Variants in CAMTA1 observed in about 807,000 individuals in gnomAD.
The protein encoded by CAMTA1 is calmodulin binding transcription activator 1.
Under a neutral mutation model 170.9 loss-of-function variants are expected in CAMTA1, and 27 were observed. The ratio of observed to expected loss-of-function variants is 0.16; its 90% CI spans 0.12 to 0.22. The LOEUF is 0.22. CAMTA1 is among the 10% of genes least tolerant of loss of function. The pLI is 1.00. For missense variants in CAMTA1, 1,619 were observed against 2,217.2 expected (o/e 0.73, Z 5.42); for synonymous variants, 833 against 891.5 (o/e 0.93, Z 1.17).
chr1:7,033,244 T>C (rs1275093714), intron 3 of CAMTA1, among the ~76,000 whole-genome samples: 2 of 152,200 alleles, frequency 1.3e-5, no homozygotes, highest in Non-Finnish European at 2.9e-5. Context: ...TCATTTCCTG[T>C]CTTTCAGTTC....
chr1:7,566,677 G>T (rs1263207706), intron 6 of CAMTA1, among the ~76,000 whole-genome samples: 1 of 152,136 alleles, frequency 6.6e-6, no homozygotes, highest in Non-Finnish European at 1.5e-5. Flanking sequence ...GGCACCCAGA[G>T]GCCTGAGTCC....
At position 7,143,945 on chromosome 1, in the gene CAMTA1, C is replaced by G. The variant is rs1646032742; in HGVS notation, c.302+52574C>G. ...TTCTTCCTGTGCGTGTTGTCATCCACAAAGCCACTCTGTGTGTCATCAAAC... is the reference window on the plus strand; with the variant it reads ...TTCTTCCTGTGCGTGTTGTCATCCAGAAAGCCACTCTGTGTGTCATCAAAC... On this transcript the variant is annotated intron_variant, in intron 4 of 22. Transcript: ENST00000303635. Among the ~76,000 whole-genome samples the G allele has an allele frequency of 2.6e-5, 4 of 152,304 alleles. No homozygotes were observed. In the South Asian group the frequency reaches 8.3e-4, roughly 32 times the overall value.
intron 5 of CAMTA1, among the ~76,000 whole-genome samples, chr1:7,359,011 G>C (rs1304940410): frequency 1.3e-5 from 2 of 152,104 alleles, no homozygotes; most frequent in Non-Finnish European, 2.9e-5. Flanking sequence ...GGCACACTGG[G>C]AGGTAGGAGC....
At chr1:7,541,850 C>T (rs1197345725) in intron 6 of CAMTA1, among the ~76,000 whole-genome samples, 3 of 149,268 alleles carry the variant, frequency 2.0e-5, no homozygotes, top group Admixed American at 6.7e-5. Context: ...GCTCAGAATG[C>T]GCTGACCACA....
chr1:7,686,095 G>T (rs2096255358), intron 11 of CAMTA1, among the ~76,000 whole-genome samples: 1 of 152,214 alleles, frequency 6.6e-6, no homozygotes, highest in Non-Finnish European at 1.5e-5. Flanking sequence ...CACCTGGGCT[G>T]CCTGGTCTTC....
intron 3 of CAMTA1, among the ~76,000 whole-genome samples, chr1:6,943,482 C>G (rs920711802): frequency 1.7e-4 from 26 of 152,182 alleles, no homozygotes; most frequent in African/African-American, 5.8e-4. Context: ...GCCCTTTCCT[C>G]CCTCAGCGTC....
At chr1:7,346,233 A>G (rs947925769) in intron 5 of CAMTA1, among the ~76,000 whole-genome samples, 1 of 152,200 alleles carries the variant, frequency 6.6e-6, no homozygotes, top group Admixed American at 6.5e-5. Context: ...ATTCTGGTCC[A>G]GAATCCATGC....
intron 5 of CAMTA1, among the ~76,000 whole-genome samples, chr1:7,378,937 C>T (rs552677923): frequency 1.3e-4 from 20 of 152,170 alleles, no homozygotes; most frequent in African/African-American, 3.9e-4. Context: ...ACCGGCTCCT[C>T]GAGGCACCCC....
intron 3 of CAMTA1, among the ~76,000 whole-genome samples, chr1:7,012,844 G>A (rs900879855): frequency 1.3e-5 from 2 of 152,106 alleles, no homozygotes; most frequent in Non-Finnish European, 2.9e-5. Flanking sequence ...TTCCCGCCAT[G>A]TGCCTGCGGG....
At chr1:7,574,860 C>T (rs992086046) in intron 6 of CAMTA1, among the ~76,000 whole-genome samples, 11 of 152,194 alleles carry the variant, frequency 7.2e-5, no homozygotes, top group African/African-American at 2.7e-4. Context: ...GGCCCCAGAC[C>T]CACAAGCTCT....
chr1:7,498,256 GTA>G (rs2093869192), intron 6 of CAMTA1, among the ~76,000 whole-genome samples: 1 of 139,940 alleles, frequency 7.1e-6, no homozygotes, highest in East Asian at 2.2e-4. Flanking sequence ...GTGGGAGAGT[GTA>G]TGAGAGAGCG....
intron 5 of CAMTA1, among the ~76,000 whole-genome samples, chr1:7,434,171 G>A (rs2092273302): frequency 6.6e-6 from 1 of 152,156 alleles, no homozygotes; most frequent in South Asian, 2.1e-4. Context: ...TCAGAAAGGA[G>A]GAGGCTGGCC....
intron 4 of CAMTA1, among the ~76,000 whole-genome samples, chr1:7,198,085 A>G (rs1374017817): frequency 6.6e-6 from 1 of 152,160 alleles, no homozygotes; most frequent in East Asian, 1.9e-4. Flanking sequence ...CATTTCCTAA[A>G]GATCCCCTGC....
chr1:7,677,274 GA>G (rs955287018), intron 10 of CAMTA1, among the ~76,000 whole-genome samples: 6 of 152,212 alleles, frequency 3.9e-5, no homozygotes, highest in African/African-American at 1.4e-4. Context: ...ATGAGGCAGG[GA>G]TGGGGGCCAT....
At chr1:7,594,221 G>GGAAA (rs1404693428) in intron 6 of CAMTA1, among the ~76,000 whole-genome samples, 139 of 150,690 alleles carry the variant, frequency 9.2e-4, no homozygotes, top group African/African-American at 3.3e-3. Flanking sequence ...AAGGAAGGAA[G>GGAAA]GAAGGAAGGA....
chr1:7,290,391 A>G (rs1447801111), intron 5 of CAMTA1, among the ~76,000 whole-genome samples: 2 of 152,142 alleles, frequency 1.3e-5, no homozygotes, highest in Admixed American at 6.5e-5. Flanking sequence ...TGAGTTTTAG[A>G]TTTGGAAAGA....
intron 5 of CAMTA1, among the ~76,000 whole-genome samples, chr1:7,450,914 C>T (rs550394962): frequency 1.3e-5 from 2 of 152,322 alleles, no homozygotes; most frequent in South Asian, 4.1e-4. Flanking sequence ...TCCTCCCTTC[C>T]ACCCCCAGGA....
rs1279998876 is a variant in CAMTA1, at chr1:7,680,923, T to A, written c.2914+3190T>A. On this transcript the variant is annotated intron_variant, in intron 11 of 22. Transcript: ENST00000303635. The surrounding 1 kb of genome is among the most constrained non-coding windows in gnomAD (Gnocchi z 4.4). ...CTTTGTCCCCGCGGCGCAGCCTTTG[T>A]CCCCGCGGCGTAGCTTTTGTTTGCG... Among the ~76,000 whole-genome samples the A allele has an allele frequency of 1.4e-5, 2 of 146,516 alleles. No homozygotes were observed. Among genetic ancestry groups the A allele is most frequent in the Non-Finnish European group, 3.1e-5 (2 of 65,132 alleles).
At chr1:7,650,187 C>T (rs577969727) in intron 7 of CAMTA1, among the ~76,000 whole-genome samples, 21 of 152,310 alleles carry the variant, frequency 1.4e-4, no homozygotes, top group Non-Finnish European at 2.9e-4. Context: ...GCCAGGCGGC[C>T]GGCACTCCTA....
Sources: allele counts gnomAD v4.1 joint callset (sites outside exome capture counted in the v4.1 genomes callset), GRCh38; gene constraint gnomAD v4.1.1; non-coding constraint Gnocchi (gnomAD v3.1); transcripts MANE v1.5; gene names NCBI Gene and HGNC (gene_info 2026-07-23, HGNC 2026-07-21).